The following WDFY3 variants were observed in gnomAD, a reference collection of about 807,000 sequenced individuals.
WDFY3 encodes the protein WD repeat and FYVE domain containing 3, also known as WD repeat and FYVE domain-containing protein 3.
WDFY3 carries 66 observed loss-of-function variants against 409.6 expected under a neutral mutation model. The observed-to-expected ratio is 0.16, with a 90% confidence interval of 0.13 to 0.20. WDFY3 has a LOEUF of 0.20. WDFY3 is among the 10% of genes least tolerant of loss of function. The pLI, the probability that WDFY3 is intolerant of heterozygous loss-of-function variation, is 1.00. For missense variants in WDFY3, 3,031 were observed against 4,298.1 expected (o/e 0.71, Z 8.24); for synonymous variants, 1,521 against 1,537.1 (o/e 0.99, Z 0.25).
At chr4:84,922,219 T>C (rs1769382817) in intron 2 of WDFY3, among the ~76,000 whole-genome samples, 1 of 152,150 alleles carries the variant, frequency 6.6e-6, no homozygotes, top group Non-Finnish European at 1.5e-5. Flanking sequence ...AATATAAACA[T>C]TTATTGATAT....
At chr4:84,948,514 T>A (rs1022666786) in intron 1 of WDFY3, among the ~76,000 whole-genome samples, 3 of 152,214 alleles carry the variant, frequency 2.0e-5, no homozygotes, top group African/African-American at 7.2e-5. Context: ...CGCCTGTCAC[T>A]TAAATCCTAG....
At chr4:84,929,959 G>A (rs768783012) in intron 2 of WDFY3, among the ~76,000 whole-genome samples, 3 of 150,972 alleles carry the variant, frequency 2.0e-5, no homozygotes, top group Non-Finnish European at 2.9e-5. Flanking sequence ...AAGGAAGACC[G>A]TGCAAAGAGA....
chr4:84,763,675 T>C (rs1046483314), intron 32 of WDFY3, among the ~76,000 whole-genome samples: 1 of 151,894 alleles, frequency 6.6e-6, no homozygotes. Context: ...ATATGTACAC[T>C]TGTTTACATA....
Position 84,803,281 on chromosome 4 carries a change from C to A in WDFY3, c.2607+9G>T. 6.3e-7 allele frequency: 1 copy of A among 1,596,564 alleles called. No homozygotes were observed. Among genetic ancestry groups the A allele is most frequent in the South Asian group, 1.1e-5 (1 of 87,778 alleles). On this transcript the variant is annotated intron_variant, in intron 16 of 67. Transcript: ENST00000295888. ...ACAGACGGGAAGGAACTAACATATT[C>A]AAGCTTACTTCTGGCTGTGTCACTG...
Position 84,679,089 on chromosome 4 carries a change from C to T in WDFY3, c.9977G>A (p.Ser3326Asn). 6.2e-7 allele frequency: 1 copy of T among 1,614,204 alleles called. No individual in the cohort carries two copies. Among genetic ancestry groups the T allele is most frequent in the Non-Finnish European group, 8.5e-7 (1 of 1,180,036 alleles). Residue 3326 changes from serine to asparagine, a missense_variant, in exon 65 of 68, where the codon AGT becomes AAT. Ser to Asn is a conservative substitution (Grantham distance 46). This residue lies in a region of WDFY3 where 378 missense variants were observed against 477.3 expected (regional missense o/e 0.79). Coordinates refer to ENST00000295888, the MANE Select transcript of WDFY3 (RefSeq NM_014991.6). The stretch of plus-strand genomic sequence containing the variant: ...CCAGCGTCTGGAGTCGTCAGAGCCA[C>T]TGTCAGTACACCAGGCGGCTGTTGC... ...CRATAAWCTD[S>N]GSDDSRRWSD...
At chr4:84,836,346 C>T (rs1034014850) in intron 7 of WDFY3, among the ~76,000 whole-genome samples, 7 of 151,986 alleles carry the variant, frequency 4.6e-5, no homozygotes, top group African/African-American at 1.7e-4. Context: ...CTTGTTTTGA[C>T]AATTTTCTGC....
At chr4:84,706,460 G>A (rs1363763277) in intron 53 of WDFY3, among the ~76,000 whole-genome samples, 1 of 151,372 alleles carries the variant, frequency 6.6e-6, no homozygotes, top group African/African-American at 2.4e-5. Flanking sequence ...AATGGACTAT[G>A]TGCTCAAGGA....
chr4:84,874,929 C>A (rs1374475340), intron 3 of WDFY3, among the ~76,000 whole-genome samples: 1 of 152,152 alleles, frequency 6.6e-6, no homozygotes, highest in Non-Finnish European at 1.5e-5. Flanking sequence ...TAGGTACAAA[C>A]CTGTACAGCA....
At chr4:84,961,088 G>A (rs1774857901) in intron 1 of WDFY3, among the ~76,000 whole-genome samples, 1 of 151,936 alleles carries the variant, frequency 6.6e-6, no homozygotes, top group African/African-American at 2.4e-5. Flanking sequence ...GGTGGCGGAT[G>A]CCTGTAATTC....
intron 7 of WDFY3, among the ~76,000 whole-genome samples, chr4:84,834,104 T>G (rs1756199540): frequency 6.6e-6 from 1 of 152,192 alleles, no homozygotes; most frequent in East Asian, 1.9e-4. Context: ...TAGTTGTTGT[T>G]GGTTCTGACA....
intron 3 of WDFY3, among the ~76,000 whole-genome samples, chr4:84,889,023 T>G (rs1276973227): frequency 6.6e-6 from 1 of 152,232 alleles, no homozygotes; most frequent in Non-Finnish European, 1.5e-5. Flanking sequence ...TTGAAAATAC[T>G]TAGACTACTT....
chr4:84,863,719 A>G (rs1290253401), intron 3 of WDFY3, among the ~76,000 whole-genome samples: 3 of 152,152 alleles, frequency 2.0e-5, no homozygotes, highest in Admixed American at 1.3e-4. Context: ...TAGTTGTTGT[A>G]TATGGTGTAA....
At chr4:84,931,581 T>C (rs1770772566) in intron 2 of WDFY3, among the ~76,000 whole-genome samples, 1 of 152,126 alleles carries the variant, frequency 6.6e-6, no homozygotes, top group African/African-American at 2.4e-5. Flanking sequence ...AGTCCTGGGT[T>C]CTTATTTGCA....
chr4:84,853,818 T>C (rs954612957), intron 4 of WDFY3, among the ~76,000 whole-genome samples: 2 of 152,210 alleles, frequency 1.3e-5, no homozygotes, highest in Non-Finnish European at 2.9e-5. Flanking sequence ...GACTATGTCA[T>C]ATTTGCTAAT....
chr4:84,896,341 C>G (rs556524172), intron 3 of WDFY3, among the ~76,000 whole-genome samples: 9 of 151,954 alleles, frequency 5.9e-5, no homozygotes, highest in South Asian at 4.2e-4. Flanking sequence ...AGAGGAAAAT[C>G]AGATGTATGC....
rs534342800 is a variant in WDFY3, at chr4:84,741,669, A to G, written c.6234+92T>C. The G allele has an allele frequency of 4.6e-6, 6 of 1,316,642 alleles. No individual in the cohort carries two copies. In the African/African-American group the frequency reaches 7.5e-5, roughly 16 times the overall value. 81.6% of individuals were successfully genotyped at this position (1,316,642 alleles called of 1,614,324 possible). On this transcript the variant is annotated intron_variant, in intron 38 of 67. Coordinates refer to ENST00000295888, the MANE Select transcript of WDFY3 (RefSeq NM_014991.6). Reference sequence around the variant, plus strand: ...TTTTTCTTAAATGTTAACATTCATTATCTTATTAGTTATATTTAATTTCAA... The same window carrying G: ...TTTTTCTTAAATGTTAACATTCATTGTCTTATTAGTTATATTTAATTTCAA...
intron 9 of WDFY3, 150 bp downstream of exon 9, chr4:84,828,854 G>T: frequency 1.3e-6 from 1 of 748,150 alleles, no homozygotes; most frequent in Non-Finnish European, 2.0e-6. Flanking sequence ...AGCTGTGATT[G>T]CACCAGAAAA....
At chr4:84,757,762 T>C (rs1041939624) in intron 32 of WDFY3, among the ~76,000 whole-genome samples, 2 of 152,156 alleles carry the variant, frequency 1.3e-5, no homozygotes, top group South Asian at 2.1e-4. Context: ...TAACTTGCTA[T>C]AATGTAGTTA....
intron 34 of WDFY3, among the ~76,000 whole-genome samples, chr4:84,754,985 G>T (rs889431927): frequency 1.3e-5 from 2 of 151,986 alleles, no homozygotes; most frequent in Non-Finnish European, 2.9e-5. Context: ...ATTATTGTCG[G>T]CATTTTAAAC....
Sources: allele counts gnomAD v4.1 joint callset (sites outside exome capture counted in the v4.1 genomes callset), GRCh38; gene constraint gnomAD v4.1.1; regional missense constraint gnomAD v4.1.1; transcripts MANE v1.5; gene names NCBI Gene and HGNC (gene_info 2026-07-23, HGNC 2026-07-21).